Variants in IMMP2L observed in about 807,000 individuals in gnomAD.
The protein encoded by IMMP2L is mitochondrial inner membrane protease subunit 2.
In IMMP2L, 18 loss-of-function variants were observed where a neutral mutation model predicts 19.3. The ratio of observed to expected loss-of-function variants is 0.93; its 90% CI spans 0.64 to 1.38. The LOEUF (loss-of-function observed/expected upper bound fraction) is 1.38. IMMP2L is among the 40% of genes most tolerant of loss of function. IMMP2L has a pLI of 0.00. For missense variants in IMMP2L, 233 were observed against 218.2 expected (o/e 1.07, Z -0.43); for synonymous variants, 76 against 73.0 (o/e 1.04, Z -0.21).
intron 5 of IMMP2L, among the ~76,000 whole-genome samples, chr7:110,831,412 A>G (rs1295385484): frequency 1.3e-5 from 2 of 152,160 alleles, no homozygotes; most frequent in East Asian, 1.9e-4. Flanking sequence ...GTCCCTTCAC[A>G]TAAGTATCTG....
At chr7:111,362,179 C>G (rs1231020309) in intron 3 of IMMP2L, among the ~76,000 whole-genome samples, 4 of 152,014 alleles carry the variant, frequency 2.6e-5, no homozygotes, top group Admixed American at 1.3e-4. Flanking sequence ...TTTATACACA[C>G]TTTTTTGCTT....
At chr7:111,331,407 T>C (rs1825861135) in intron 3 of IMMP2L, among the ~76,000 whole-genome samples, 1 of 151,880 alleles carries the variant, frequency 6.6e-6, no homozygotes, top group African/African-American at 2.4e-5. Context: ...GGATGGTGGT[T>C]AAAGCAGTTC....
At position 110,697,226 on chromosome 7, in the gene IMMP2L, T is replaced by TA. The variant is rs199693133; in HGVS notation, c.409-33506dup. 5.1e-4 allele frequency among the ~76,000 whole-genome samples: 78 copies of TA among 152,304 alleles called. No individual in the cohort carries two copies. The East Asian group carries it at 0.014, about 27-fold the overall frequency. On this transcript the variant is annotated intron_variant, in intron 5 of 5. Coordinates refer to ENST00000405709, the MANE Select transcript of IMMP2L (RefSeq NM_032549.4). ...CAGTATCTCATGATATCCTTATGACTAAAATGGAAGCATGCTGGGTACAAA... is the reference window on the plus strand; with the variant it reads ...CAGTATCTCATGATATCCTTATGACTAAAAATGGAAGCATGCTGGGTACAAA...
intron 4 of IMMP2L, among the ~76,000 whole-genome samples, chr7:110,918,932 C>T (rs978006630): frequency 6.6e-6 from 1 of 152,118 alleles, no homozygotes; most frequent in Admixed American, 6.5e-5. Flanking sequence ...ACTCTACATG[C>T]CAATAGAAAT....
At chr7:111,319,108 T>C (rs1824406588) in intron 3 of IMMP2L, among the ~76,000 whole-genome samples, 1 of 152,112 alleles carries the variant, frequency 6.6e-6, no homozygotes, top group South Asian at 2.1e-4. Flanking sequence ...AATATGTCTG[T>C]AGGAGGGCAA....
rs1040343074 is a variant in IMMP2L at position 111,541,340 on chromosome 7, G to A, written c.-2-19891C>T. Among the ~76,000 whole-genome samples the A allele has an allele frequency of 1.8e-4, 27 of 152,136 alleles. No homozygotes were observed. In the East Asian group the frequency reaches 3.1e-3, roughly 17 times the overall value. The stretch of plus-strand genomic sequence containing the variant: ...GTTAAATTTCTTGTCTGATCTTTAC[G>A]TCATACCTGCGTTCATTTAATAAAC... On this transcript the variant is annotated intron_variant, in intron 1 of 5. Coordinates refer to ENST00000405709, the MANE Select transcript of IMMP2L (RefSeq NM_032549.4).
Position 111,123,001 on chromosome 7 carries a change from C to A in IMMP2L, c.240-159436G>T. The A allele has an allele frequency of 6.2e-7, 1 of 1,613,888 alleles. No individual in the cohort carries two copies. Among genetic ancestry groups the A allele is most frequent in the East Asian group, 2.2e-5 (1 of 44,864 alleles). Reference sequence around the variant, plus strand: ...AGCTAACACACAGATTCTTCTCCTACAGACTAACAATATTGCAAAAATTGA... The same window carrying A: ...AGCTAACACACAGATTCTTCTCCTAAAGACTAACAATATTGCAAAAATTGA... On this transcript the variant is annotated intron_variant, in intron 3 of 5. Transcript: ENST00000405709. This position sits in a 1 kb window ranked among gnomAD's most constrained non-coding sequence, Gnocchi z 6.4.
intron 3 of IMMP2L, among the ~76,000 whole-genome samples, chr7:111,009,057 A>G (rs532178720): frequency 2.0e-5 from 3 of 152,052 alleles, no homozygotes; most frequent in African/African-American, 7.2e-5. Context: ...GCTTCATATC[A>G]TTTTACAATT....
At chr7:111,325,538 A>G (rs868800089) in intron 3 of IMMP2L, among the ~76,000 whole-genome samples, 1 of 151,692 alleles carries the variant, frequency 6.6e-6, no homozygotes, top group Non-Finnish European at 1.5e-5. Context: ...ACCTACCAAA[A>G]TATTTTTAAT....
At chr7:110,911,909 A>T (rs537022489) in intron 4 of IMMP2L, among the ~76,000 whole-genome samples, 13 of 152,250 alleles carry the variant, frequency 8.5e-5, no homozygotes, top group East Asian at 5.8e-4. Context: ...CCTCTACGGA[A>T]ATTGCAGTAA....
At chr7:110,885,258 C>T (rs1305531135) in intron 5 of IMMP2L, among the ~76,000 whole-genome samples, 1 of 151,738 alleles carries the variant, frequency 6.6e-6, no homozygotes, top group Non-Finnish European at 1.5e-5. Flanking sequence ...CAAAATACTC[C>T]AATGAACATT....
At chr7:110,726,489 T>C (rs1408740430) in intron 5 of IMMP2L, among the ~76,000 whole-genome samples, 3 of 152,232 alleles carry the variant, frequency 2.0e-5, no homozygotes, top group South Asian at 2.1e-4. Context: ...AGGCCATATG[T>C]TGAATTTCCA....
intron 5 of IMMP2L, among the ~76,000 whole-genome samples, chr7:110,768,449 G>T (rs1435070771): frequency 6.6e-6 from 1 of 152,118 alleles, no homozygotes; most frequent in East Asian, 1.9e-4. Flanking sequence ...CTACTGGAGG[G>T]TTTTAAGTAG....
Position 111,537,416 on chromosome 7 carries a change from TCTTA to T in IMMP2L, c.-2-15971_-2-15968del, listed in dbSNP as rs1468037951. 2.0e-5 allele frequency among the ~76,000 whole-genome samples: 3 copies of T among 151,964 alleles called. No individual in the cohort carries two copies. In the East Asian group the frequency reaches 5.8e-4, roughly 30 times the overall value. On this transcript the variant is annotated intron_variant, in intron 1 of 5. Transcript: ENST00000405709. ...AAAAATAGAAATCATCCTAACTTTC[TCTTA>T]CTTTAAATCGTTCAATAACTCCTCA... is the stretch of plus-strand genomic sequence containing the variant.
intron 1 of IMMP2L, among the ~76,000 whole-genome samples, chr7:111,538,502 C>G (rs1848100163): frequency 6.6e-6 from 1 of 151,652 alleles, no homozygotes; most frequent in Non-Finnish European, 1.5e-5. Context: ...TAAATATACA[C>G]AGAAAGAAAT....
At chr7:110,694,355 C>T (rs1793721898) in intron 5 of IMMP2L, among the ~76,000 whole-genome samples, 1 of 151,788 alleles carries the variant, frequency 6.6e-6, no homozygotes, top group Non-Finnish European at 1.5e-5. Flanking sequence ...TCTGTGCCCA[C>T]CAGATGAAGA....
chr7:110,862,221 TA>T (rs1015194125), intron 5 of IMMP2L, among the ~76,000 whole-genome samples: 146 of 151,780 alleles, frequency 9.6e-4, no homozygotes, highest in Non-Finnish European at 1.6e-3. Context: ...CAATTTTTTT[TA>T]ATATATTTTA....
chr7:111,281,288 AAAG>A (rs1277167609), intron 3 of IMMP2L, among the ~76,000 whole-genome samples: 1 of 151,918 alleles, frequency 6.6e-6, no homozygotes, highest in African/African-American at 2.4e-5. Context: ...AGAAGGAAAG[AAAG>A]AAGGAAGGAA....
chr7:111,317,060 G>C (rs1442754068), intron 3 of IMMP2L, among the ~76,000 whole-genome samples: 1 of 151,894 alleles, frequency 6.6e-6, no homozygotes, highest in African/African-American at 2.4e-5. Flanking sequence ...ATGTTGGCCA[G>C]AATGGTCTCG....
Sources: allele counts gnomAD v4.1 joint callset (sites outside exome capture counted in the v4.1 genomes callset), GRCh38; gene constraint gnomAD v4.1.1; non-coding constraint Gnocchi (gnomAD v3.1); transcripts MANE v1.5; gene names NCBI Gene and HGNC (gene_info 2026-07-23, HGNC 2026-07-21).